Variants in FAM110B observed in about 807,000 individuals in gnomAD.
The protein encoded by FAM110B is protein FAM110B.
In FAM110B, 6 loss-of-function variants were observed where a neutral mutation model predicts 20.4. That is an observed-to-expected ratio of 0.29 (90% CI 0.16 to 0.58). The LOEUF is 0.58. FAM110B is among the 20% of genes least tolerant of loss of function. FAM110B has a pLI of 0.90. For synonymous variants in FAM110B, 226 were observed against 214.1 expected, an observed-to-expected ratio of 1.06 and a Z score of -0.49; for missense variants, 434 against 498.2, an observed-to-expected ratio of 0.87 and a Z score of 1.23.
intron 3 of FAM110B, among the ~76,000 whole-genome samples, chr8:58,111,818 C>T (rs1174696329): frequency 6.6e-6 from 1 of 152,166 alleles, no homozygotes; most frequent in East Asian, 1.9e-4. Context: ...TATTCTCTTA[C>T]CCATTCACTT....
At chr8:57,999,163 C>T (rs373195808) in intron 1 of FAM110B, among the ~76,000 whole-genome samples, 6 of 152,176 alleles carry the variant, frequency 3.9e-5, no homozygotes, top group African/African-American at 7.2e-5. Flanking sequence ...AGTTTTAAAC[C>T]GGCATTAAAT....
chr8:58,130,198 AC>A (rs1263560928), intron 3 of FAM110B, among the ~76,000 whole-genome samples: 1 of 152,222 alleles, frequency 6.6e-6, no homozygotes, highest in Non-Finnish European at 1.5e-5. Context: ...CTAGTTTTGA[AC>A]AGTTTGAATT....
intron 3 of FAM110B, among the ~76,000 whole-genome samples, chr8:58,136,234 T>A (rs1370946003): frequency 6.6e-6 from 1 of 152,012 alleles, no homozygotes; most frequent in Non-Finnish European, 1.5e-5. Flanking sequence ...ATGGTCTCGA[T>A]CTCCTGACCT....
intron 3 of FAM110B, among the ~76,000 whole-genome samples, chr8:58,100,131 AC>A (rs1806740406): frequency 6.6e-6 from 1 of 152,048 alleles, no homozygotes; most frequent in African/African-American, 2.4e-5. Flanking sequence ...GAAATCAGAG[AC>A]TGTAAACTCT....
chr8:58,024,601 A>G (rs1017610696), intron 1 of FAM110B, among the ~76,000 whole-genome samples: 3 of 152,248 alleles, frequency 2.0e-5, no homozygotes, highest in Non-Finnish European at 4.4e-5. Flanking sequence ...AATAGTGGCC[A>G]GGACTTAACA....
chr8:58,008,578 G>A (rs1037967035), intron 1 of FAM110B, among the ~76,000 whole-genome samples: 1 of 152,116 alleles, frequency 6.6e-6, no homozygotes, highest in Non-Finnish European at 1.5e-5. Flanking sequence ...ATTTTTTTGT[G>A]TGTATGTTAG....
At chr8:58,056,882 G>A (rs529157262) in intron 2 of FAM110B, among the ~76,000 whole-genome samples, 1 of 152,132 alleles carries the variant, frequency 6.6e-6, no homozygotes, top group Non-Finnish European at 1.5e-5. Context: ...GGAACTCTGC[G>A]TGCATGTTCT....
At chr8:58,015,468 G>A (rs935026689) in intron 1 of FAM110B, among the ~76,000 whole-genome samples, 4 of 152,104 alleles carry the variant, frequency 2.6e-5, no homozygotes, top group Non-Finnish European at 4.4e-5. Flanking sequence ...ATTAATTTTG[G>A]AGGAATACAG....
chr8:58,130,637 C>A lies in FAM110B; in HGVS notation c.-324-15270C>A, dbSNP rs545703116. 3.9e-5 allele frequency among the ~76,000 whole-genome samples: 6 copies of A among 152,312 alleles called. No homozygotes were observed. In the East Asian group the frequency reaches 9.6e-4, roughly 24 times the overall value. ...GTGTCTCTTCCATTCATGTCAATAC[C>A]TCCAGTGCTAGTAACAGTGCCCAGC... On this transcript the variant is annotated intron_variant, in intron 3 of 3. Transcript: ENST00000519262.
At chr8:58,108,847 C>T (rs80052193) in intron 3 of FAM110B, among the ~76,000 whole-genome samples, 7,584 of 152,226 alleles carry the variant, frequency 0.05, 617 homozygotes, top group African/African-American at 0.17. Context: ...AGCTTCATTC[C>T]TCCTTCATCT....
At chr8:58,061,704 G>A (rs1265241987) in intron 2 of FAM110B, among the ~76,000 whole-genome samples, 2 of 152,274 alleles carry the variant, frequency 1.3e-5, no homozygotes. Flanking sequence ...GCATACACAT[G>A]ATAAAAGTAA....
intron 3 of FAM110B, among the ~76,000 whole-genome samples, chr8:58,143,190 G>A (rs552432773): frequency 2.6e-5 from 4 of 152,374 alleles, no homozygotes; most frequent in Admixed American, 1.3e-4. Context: ...TATTTTTGAA[G>A]TAGGTTTACT....
At chr8:58,037,569 T>G (rs985794654) in intron 2 of FAM110B, among the ~76,000 whole-genome samples, 1 of 151,880 alleles carries the variant, frequency 6.6e-6, no homozygotes, top group Non-Finnish European at 1.5e-5. Flanking sequence ...AGCCCAGGAG[T>G]TGGAGGCTGC....
intron 2 of FAM110B, among the ~76,000 whole-genome samples, chr8:58,072,968 C>G (rs1284950128): frequency 1.3e-5 from 2 of 152,188 alleles, no homozygotes; most frequent in African/African-American, 2.4e-5. Flanking sequence ...GGATTTGTGG[C>G]TGGTCACTTG....
chr8:58,113,522 G>T, intron 3 of FAM110B: 1 of 184,826 alleles, frequency 5.4e-6, no homozygotes, highest in East Asian at 1.2e-4. Context: ...TCTTTGGAAA[G>T]AGAGGAAGAC....
At chr8:58,073,396 T>G (rs550391054) in intron 2 of FAM110B, among the ~76,000 whole-genome samples, 2 of 152,272 alleles carry the variant, frequency 1.3e-5, no homozygotes, top group African/African-American at 4.8e-5. Context: ...AACTTACTAT[T>G]TCCTGCCCAT....
intron 3 of FAM110B, among the ~76,000 whole-genome samples, chr8:58,107,610 G>A (rs6471684): frequency 0.31 from 47,621 of 152,062 alleles, 10,522 homozygotes; most frequent in African/African-American, 0.63. Flanking sequence ...AGTACCTATA[G>A]TTTAAAACCT....
At chr8:58,105,056 C>A (rs1477004178) in intron 3 of FAM110B, among the ~76,000 whole-genome samples, 1 of 150,076 alleles carries the variant, frequency 6.7e-6, no homozygotes, top group African/African-American at 2.5e-5. Flanking sequence ...TTCAGCTTTG[C>A]AGCCTGAGGG....
intron 1 of FAM110B, among the ~76,000 whole-genome samples, chr8:58,023,848 C>T (rs992020375): frequency 2.0e-5 from 3 of 152,168 alleles, no homozygotes; most frequent in African/African-American, 7.2e-5. Context: ...GTATACTAAG[C>T]CGTGTCTGAG....
Sources: allele counts gnomAD v4.1 joint callset (sites outside exome capture counted in the v4.1 genomes callset), GRCh38; gene constraint gnomAD v4.1.1; transcripts MANE v1.5; gene names NCBI Gene and HGNC (gene_info 2026-07-23, HGNC 2026-07-21).